DNAH5: variants seen among roughly 807,000 people sequenced by gnomAD.
DNAH5 encodes dynein axonemal heavy chain 5, also known as axonemal beta dynein heavy chain 5.
DNAH5 carries 372 observed loss-of-function variants against 518.2 expected under a neutral mutation model. The observed-to-expected ratio is 0.72, with a 90% confidence interval of 0.66 to 0.78. The LOEUF is 0.78. Ranked by LOEUF, DNAH5 falls within the 30% of genes least tolerant of loss-of-function variation. The pLI, the probability that DNAH5 is intolerant of heterozygous loss-of-function variation, is 0.00. For synonymous variants in DNAH5, 2,039 were observed against 2,025.9 expected (o/e 1.01, Z -0.17); for missense variants, 5,523 against 5,687.0 (o/e 0.97, Z 0.93).
Position 13,824,286 on chromosome 5 carries a change from G to A in DNAH5, c.6492C>T (p.Thr2164=), listed in dbSNP as rs1020749137. The A allele has an allele frequency of 2.5e-6, 4 of 1,613,914 alleles. No homozygotes were observed. The African/African-American group carries it at 5.3e-5, about 22-fold the overall frequency. ...GLRNILSVLR[T]LGAAKRANPM... ...GATTGGCTCTTTTTGCTGCTCCCAA[G>A]GTCCGAAGAACTGACAGAATGTTAC... The change falls in exon 39 of 79, where the codon ACC becomes ACT. Residue 2164 remains threonine, a synonymous_variant. Coordinates refer to ENST00000265104, the MANE Select transcript of DNAH5 (RefSeq NM_001369.3).
At chr5:14,000,854 G>A (rs1459486592) in intron 1 of DNAH5, among the ~76,000 whole-genome samples, 5 of 152,160 alleles carry the variant, frequency 3.3e-5, no homozygotes. Context: ...TATGTTCATT[G>A]CAGCACGGAT....
intron 65 of DNAH5, among the ~76,000 whole-genome samples, chr5:13,739,824 T>C (rs909340939): frequency 9.2e-5 from 14 of 152,188 alleles, no homozygotes; most frequent in African/African-American, 3.4e-4. Context: ...GTACTTAGTT[T>C]ATGCTTACGA....
Position 13,976,999 on chromosome 5 carries a change from A to AC in DNAH5, c.12+34648_12+34649insG, listed in dbSNP as rs1267466854. ...CAAATTTATTTTGTCTCAATTCCCT[A>AC]ACCTTGAACGGTGTGTCACTAAACT... is the stretch of plus-strand genomic sequence containing the variant. On this transcript the variant is annotated intron_variant, in intron 1 of 78. Coordinates refer to the DNAH5 transcript ENST00000681290. Among the ~76,000 whole-genome samples, 29 of 152,272 alleles carry AC rather than the reference A, an allele frequency of 1.9e-4. No homozygotes were observed. The South Asian group carries it at 2.7e-3, about 14-fold the overall frequency.
At chr5:13,976,220 T>A (rs1297774420) in intron 1 of DNAH5, among the ~76,000 whole-genome samples, 1 of 152,222 alleles carries the variant, frequency 6.6e-6, no homozygotes, top group Non-Finnish European at 1.5e-5. Flanking sequence ...ATGGGCTTTT[T>A]ATTATTAGAT....
intron 1 of DNAH5, among the ~76,000 whole-genome samples, chr5:13,999,915 T>C (rs1207783077): frequency 6.6e-6 from 1 of 152,196 alleles, no homozygotes. Context: ...TAACACCTCA[T>C]TGAGGGTTTG....
chr5:13,973,799 C>T (rs1471758809), intron 1 of DNAH5, among the ~76,000 whole-genome samples: 1 of 151,936 alleles, frequency 6.6e-6, no homozygotes, highest in Non-Finnish European at 1.5e-5. Context: ...TGTGCGAATG[C>T]CCGATGGCAA....
Position 13,859,559 on chromosome 5 carries a change from G to A in DNAH5, c.4843C>T (p.Leu1615Phe), listed in dbSNP as rs1345531528. The part of the protein sequence containing the change: ...KAQIQKWVQY[L>F]SNSTDIIESW... The stretch of plus-strand genomic sequence containing the variant: ...TCGATGATGTCTGTTGAGTTGGAAA[G>A]GTACTGCACCCATTTTTGAATCTGG... Residue 1615 changes from leucine (L) to phenylalanine (F), a missense_variant, in exon 30 of 79, where the codon CTT becomes TTT. Leu to Phe is a conservative substitution (Grantham distance 22). Transcript: ENST00000265104. 6.2e-7 allele frequency: 1 copy of A among 1,613,994 alleles called. No individual in the cohort carries two copies. Among genetic ancestry groups the A allele is most frequent in the Non-Finnish European group, 8.5e-7 (1 of 1,179,930 alleles).
At chr5:13,767,570 A>G (rs544809153) in intron 58 of DNAH5, among the ~76,000 whole-genome samples, 1 of 152,370 alleles carries the variant, frequency 6.6e-6, no homozygotes, top group East Asian at 1.9e-4. Flanking sequence ...AACAGCAGCC[A>G]GTGAGGAAAG....
chr5:13,773,028 G>A (rs1753558938), intron 55 of DNAH5, among the ~76,000 whole-genome samples: 1 of 152,144 alleles, frequency 6.6e-6, no homozygotes, highest in Non-Finnish European at 1.5e-5. Context: ...CACTAGGCAG[G>A]TTAGTATTGG....
chr5:13,978,839 A>T (rs1782468240), intron 1 of DNAH5, among the ~76,000 whole-genome samples: 1 of 152,216 alleles, frequency 6.6e-6, no homozygotes, highest in Non-Finnish European at 1.5e-5. Flanking sequence ...CTCCATCATT[A>T]AGTGAATATG....
intron 24 of DNAH5, among the ~76,000 whole-genome samples, 185 bp downstream of exon 24, chr5:13,870,582 T>C (rs560913796): frequency 1.3e-5 from 2 of 152,216 alleles, no homozygotes; most frequent in African/African-American, 4.8e-5. Context: ...TTAGGCGACA[T>C]GTGAAGGTGA....
chr5:13,862,005 A>T (rs1332287397), intron 29 of DNAH5, among the ~76,000 whole-genome samples: 1 of 151,120 alleles, frequency 6.6e-6, no homozygotes, highest in Non-Finnish European at 1.5e-5. Flanking sequence ...ATAAATTTGT[A>T]CAAATATAAA....
At chr5:13,880,208 T>C (rs991330648) in intron 21 of DNAH5, among the ~76,000 whole-genome samples, 1 of 152,078 alleles carries the variant, frequency 6.6e-6, no homozygotes, top group Non-Finnish European at 1.5e-5. Flanking sequence ...AATTCTAGCT[T>C]TCAAAAACAA....
At chr5:13,697,514 G>A (rs1330435358) in intron 78 of DNAH5, among the ~76,000 whole-genome samples, 1 of 152,170 alleles carries the variant, frequency 6.6e-6, no homozygotes, top group Non-Finnish European at 1.5e-5. Context: ...TCTCTAGCTT[G>A]TTGTCCTCAA....
rs2126914507 is a variant in DNAH5, at chr5:13,794,065, A to G, written c.7888-7T>C. ...CATAGCTCTCTATCGTCCTCTGTGA[A>G]AAAAAAATCAACTGAAACATCTGTG... On this transcript the variant is annotated splice_polypyrimidine_tract_variant and splice_region_variant and intron_variant, in intron 47 of 78. Transcript: ENST00000265104. 5 of 1,614,014 alleles carry G rather than the reference A, an allele frequency of 3.1e-6. No homozygotes were observed. In the South Asian group the frequency reaches 4.4e-5, roughly 14 times the overall value.
intron 30 of DNAH5, among the ~76,000 whole-genome samples, chr5:13,858,578 A>T (rs981202187): frequency 6.9e-6 from 1 of 145,980 alleles, no homozygotes; most frequent in Non-Finnish European, 1.5e-5. Flanking sequence ...TAAAAAAAAA[A>T]TCCAAACCTC....
intron 65 of DNAH5, among the ~76,000 whole-genome samples, chr5:13,742,161 G>T (rs1303790588): frequency 6.6e-6 from 1 of 152,090 alleles, no homozygotes; most frequent in Non-Finnish European, 1.5e-5. Flanking sequence ...TAATAAAGTA[G>T]CTGAAAAGGG....
intron 47 of DNAH5, among the ~76,000 whole-genome samples, chr5:13,799,056 G>C (rs752751195): frequency 2.0e-5 from 3 of 152,114 alleles, no homozygotes; most frequent in Non-Finnish European, 4.4e-5. Context: ...ATGAGCCACT[G>C]TGCCTGGCCT....
intron 1 of DNAH5, among the ~76,000 whole-genome samples, chr5:13,987,237 C>T (rs565970143): frequency 4.6e-5 from 7 of 152,144 alleles, no homozygotes; most frequent in East Asian, 1.9e-4. Context: ...AACACAAATC[C>T]TTGCCTCAGG....
Sources: gnomAD v4.1 joint callset for allele counts (sites outside exome capture counted in the v4.1 genomes callset) on GRCh38, gnomAD v4.1.1 for gene constraint, MANE v1.5 for transcripts, NCBI Gene and HGNC (gene_info 2026-07-23, HGNC 2026-07-21) for gene names.